BARD1: variants seen among roughly 807,000 people sequenced by gnomAD.
BARD1 encodes BRCA1-associated RING domain protein 1.
A neutral mutation model predicts 77.0 loss-of-function variants in BARD1; 73 were observed. The ratio of observed to expected loss-of-function variants is 0.95; its 90% CI spans 0.79 to 1.15. BARD1 has a LOEUF of 1.15. Ranked by LOEUF, BARD1 falls within the 50% of genes most tolerant of loss-of-function variation. BARD1 has a pLI of 0.00. For synonymous variants in BARD1, 384 were observed against 338.0 expected (o/e 1.14, Z -1.49); for missense variants, 993 against 938.8 (o/e 1.06, Z -0.75).
At chr2:214,744,396 T>C (rs1291503997) in intron 9 of BARD1, among the ~76,000 whole-genome samples, 1 of 152,154 alleles carries the variant, frequency 6.6e-6, no homozygotes, top group African/African-American at 2.4e-5. Flanking sequence ...GGAAAAGCAA[T>C]AAATTGCTTT....
chr2:214,793,279 T>G (rs1695614640), intron 2 of BARD1, among the ~76,000 whole-genome samples: 1 of 152,160 alleles, frequency 6.6e-6, no homozygotes. Flanking sequence ...ACAAAACCTA[T>G]GCCATTTCTA....
intron 4 of BARD1, among the ~76,000 whole-genome samples, chr2:214,771,436 A>C (rs1694483325): frequency 6.6e-6 from 1 of 151,982 alleles, no homozygotes; most frequent in Non-Finnish European, 1.5e-5. Context: ...TTTCTTTTTA[A>C]AAAATTTTGC....
intron 6 of BARD1, among the ~76,000 whole-genome samples, chr2:214,760,013 A>AGTCTTCC (rs1487337788): frequency 6.6e-6 from 1 of 152,150 alleles, no homozygotes; most frequent in Non-Finnish European, 1.5e-5. Flanking sequence ...TCCTATGTCT[A>AGTCTTCC]GTCTTCCACA....
Position 214,792,258 on chromosome 2 carries a change from C to T in BARD1, c.364+39G>A, listed in dbSNP as rs752326679. ...TGAATATGAATTCATCAGTTTTTAA[C>T]TGATGAATTTAACTAAGAGAGATAG... On this transcript the variant is annotated intron_variant, in intron 3 of 10. Transcript: ENST00000260947. 2.5e-6 allele frequency: 4 copies of T among 1,586,102 alleles called. No homozygotes were observed. The Admixed American group carries it at 5.1e-5, about 20-fold the overall frequency.
At position 214,809,663 on chromosome 2, in the gene BARD1, G is replaced by T; in HGVS notation, c.-94C>A. The T allele has an allele frequency of 6.8e-7, 1 of 1,468,966 alleles. No individual in the cohort carries two copies. The highest frequency in any genetic ancestry group is 9.2e-7 in the Non-Finnish European group (1 of 1,091,750). The allele number at this position is 1,468,966 out of a possible 1,614,324, so 91.0% of individuals were successfully genotyped here. A position where few individuals can be genotyped will look rare whatever the true frequency, so the allele number is the denominator to read the frequency against. On this transcript the variant is annotated 5_prime_UTR_variant, in exon 1 of 11. Coordinates refer to ENST00000260947, the MANE Select transcript of BARD1 (RefSeq NM_000465.4). ...AGCTGCAGGCCAGCGACTCGAAACC[G>T]GCCAAGCTCTTCCCGCGTCTGGGAC...
At chr2:214,800,257 T>C (rs1395550867) in intron 1 of BARD1, among the ~76,000 whole-genome samples, 1 of 152,226 alleles carries the variant, frequency 6.6e-6, no homozygotes, top group African/African-American at 2.4e-5. Context: ...ATTAGTGAGT[T>C]AGAATATATA....
chr2:214,752,493 A>G lies in BARD1; in HGVS notation c.1631T>C (p.Leu544Pro). The change falls in exon 7 of 11, where the codon CTG becomes CCG. Residue 544 changes from leucine (L) to proline (P), a missense_variant. Leu to Pro is a moderately conservative substitution (Grantham distance 98). Transcript: ENST00000260947. ...TDDESMKSLL[L>P]LPEKNESSSA... ...GGATGATTCATTCTTCTCTGGTAGC[A>G]GCAATAGCGATTTCATACTTTCATC... The G allele has an allele frequency of 6.2e-7, 1 of 1,613,834 alleles. No individual in the cohort carries two copies. The highest frequency in any genetic ancestry group is 8.5e-7 in the Non-Finnish European group (1 of 1,179,790).
At chr2:214,745,610 A>G (rs1693066051) in intron 8 of BARD1, 112 bp downstream of exon 8, 2 of 1,334,168 alleles carry the variant, frequency 1.5e-6, no homozygotes, top group Non-Finnish European at 2.2e-6. Context: ...TGCAAAGTAT[A>G]CAGCCATCTC....
intron 4 of BARD1, 135 bp from the exon 5 acceptor site, chr2:214,769,447 T>A: frequency 1.3e-6 from 1 of 745,098 alleles, no homozygotes; most frequent in Non-Finnish European, 2.3e-6. Context: ...GTTCATGAGT[T>A]AATAAATTAT....
chr2:214,779,783 A>G (rs1694894586), intron 4 of BARD1, among the ~76,000 whole-genome samples: 1 of 152,200 alleles, frequency 6.6e-6, no homozygotes, highest in African/African-American at 2.4e-5. Context: ...AGACTGCATA[A>G]AAGCTATCCT....
At chr2:214,755,801 C>A (rs34553657) in intron 6 of BARD1, among the ~76,000 whole-genome samples, 1 of 151,886 alleles carries the variant, frequency 6.6e-6, no homozygotes, top group East Asian at 1.9e-4. Flanking sequence ...AGACACAAAG[C>A]GTATGTTGCT....
rs559446345 is a variant in BARD1 at position 214,727,057 on chromosome 2, G to A, written c.*1619C>T. ...TAATCCAGACATTATCTAACGCCTC[G>A]GATTTTTGTTTGGTGCTATGGTGTT... On this transcript the variant is annotated 3_prime_UTR_variant, in exon 11 of 11. Coordinates refer to ENST00000260947, the MANE Select transcript of BARD1 (RefSeq NM_000465.4). 5 of 210,922 alleles carry A rather than the reference G, an allele frequency of 2.4e-5. No homozygotes were observed. Among genetic ancestry groups the A allele is most frequent in the African/African-American group, 2.4e-5 (1 of 42,532 alleles). The allele number at this position is 210,922 out of a possible 1,614,324, so 13.1% of individuals were successfully genotyped here.
In BARD1 at chr2:214,726,123, G is replaced by T. The variant is rs1692075303; in HGVS notation, c.*2553C>A. Reference sequence around the variant, plus strand: ...CAAGTAGCTAAACTATCTTTTAGGTGAAGTCAGTGAAAACCTTCACACATT... The same window carrying T: ...CAAGTAGCTAAACTATCTTTTAGGTTAAGTCAGTGAAAACCTTCACACATT... On this transcript the variant is annotated 3_prime_UTR_variant, in exon 11 of 11. Coordinates refer to ENST00000260947, the MANE Select transcript of BARD1 (RefSeq NM_000465.4). The T allele has an allele frequency of 9.2e-6, 2 of 216,900 alleles. No homozygotes were observed. The highest frequency in any genetic ancestry group is 1.9e-5 in the Non-Finnish European group (2 of 107,956). 13.4% of individuals were successfully genotyped at this position (216,900 alleles called of 1,614,324 possible).
intron 10 of BARD1, 137 bp from the exon 11 acceptor site, chr2:214,729,145 C>G (rs1692237641): frequency 8.7e-7 from 1 of 1,146,544 alleles, no homozygotes; most frequent in African/African-American, 1.6e-5. Context: ...ATTTCAGATT[C>G]ATAAATTTTT....
chr2:214,766,431 A>G (rs944300990), intron 6 of BARD1, among the ~76,000 whole-genome samples: 1 of 152,250 alleles, frequency 6.6e-6, no homozygotes, highest in Non-Finnish European at 1.5e-5. Context: ...ATACAAAATA[A>G]TTATTTCTAC....
intron 4 of BARD1, among the ~76,000 whole-genome samples, chr2:214,772,807 T>TA (rs1175736238): frequency 6.6e-6 from 1 of 152,186 alleles, no homozygotes; most frequent in Non-Finnish European, 1.5e-5. Context: ...GATAATTAGA[T>TA]AGAGTCTACA....
intron 2 of BARD1, among the ~76,000 whole-genome samples, chr2:214,795,350 T>G (rs1048684827): frequency 4.6e-5 from 7 of 152,174 alleles, no homozygotes; most frequent in African/African-American, 1.7e-4. Context: ...AAAGGAGAAG[T>G]GCTGGAACAG....
intron 1 of BARD1, among the ~76,000 whole-genome samples, chr2:214,804,986 CCCCG>C (rs1696202084): frequency 1.3e-5 from 2 of 152,130 alleles, no homozygotes; most frequent in Non-Finnish European, 2.9e-5. Flanking sequence ...CATGGTGAAA[CCCCG>C]TGTCTACTAA....
chr2:214,732,599 G>A (rs552687081), intron 9 of BARD1, among the ~76,000 whole-genome samples: 9 of 152,146 alleles, frequency 5.9e-5, no homozygotes, highest in African/African-American at 1.4e-4. Context: ...CTTTCATCGC[G>A]TTAGCCAGGA....
Sources: allele counts gnomAD v4.1 joint callset (sites outside exome capture counted in the v4.1 genomes callset), GRCh38; gene constraint gnomAD v4.1.1; transcripts MANE v1.5; gene names NCBI Gene and HGNC (gene_info 2026-07-23, HGNC 2026-07-21).